The following DNAH14 variants were observed in gnomAD, a reference collection of about 807,000 sequenced individuals.
DNAH14 encodes axonemal beta dynein heavy chain 14.
In DNAH14, 478 loss-of-function variants were observed where a neutral mutation model predicts 520.9. The ratio of observed to expected loss-of-function variants is 0.92; its 90% CI spans 0.85 to 0.99. DNAH14 has a LOEUF of 0.99. Among genes scored for constraint, DNAH14 ranks in the 50% least tolerant of loss-of-function variants. The pLI is 0.00. For synonymous variants in DNAH14, 1,581 were observed against 1,757.2 expected (o/e 0.90, Z 2.51); for missense variants, 4,831 against 5,234.5 (o/e 0.92, Z 2.38).
intron 43 of DNAH14, among the ~76,000 whole-genome samples, chr1:225,251,106 A>C (rs1170969060): frequency 1.3e-5 from 2 of 152,204 alleles, no homozygotes; most frequent in Non-Finnish European, 2.9e-5. Context: ...GTTTAAAAAA[A>C]GGAATTTGAC....
At chr1:225,215,356 TG>T (rs1253258069) in intron 41 of DNAH14, among the ~76,000 whole-genome samples, 7 of 152,168 alleles carry the variant, frequency 4.6e-5, no homozygotes, top group Non-Finnish European at 1.0e-4. Flanking sequence ...ATAAATGCGA[TG>T]TGGTGCTGAG....
intron 7 of DNAH14, among the ~76,000 whole-genome samples, chr1:224,971,892 AG>A: frequency 6.6e-6 from 1 of 152,310 alleles, no homozygotes; most frequent in East Asian, 1.9e-4. Flanking sequence ...GATAGGTGAT[AG>A]TTGCATCCCT....
In DNAH14 at chr1:224,978,468, A is replaced by G. The variant is rs953474754; in HGVS notation, c.830+4315A>G. 2.6e-5 allele frequency among the ~76,000 whole-genome samples: 4 copies of G among 152,184 alleles called. No individual in the cohort carries two copies. In the East Asian group the frequency reaches 7.7e-4, roughly 29 times the overall value. On this transcript the variant is annotated intron_variant, in intron 8 of 85. Coordinates refer to ENST00000682510, the MANE Select transcript of DNAH14 (RefSeq NM_001367479.1). Reference sequence around the variant, plus strand: ...GAGCTAAAATATTTGAACTCATAGAAGTGGAGAGTAAAACTGTGGTTATTA... The same window carrying G: ...GAGCTAAAATATTTGAACTCATAGAGGTGGAGAGTAAAACTGTGGTTATTA...
At chr1:225,060,571 T>A (rs982117471) in intron 17 of DNAH14, among the ~76,000 whole-genome samples, 1 of 152,092 alleles carries the variant, frequency 6.6e-6, no homozygotes, top group African/African-American at 2.4e-5. Flanking sequence ...CTGTGTTCCT[T>A]TGGAGGAGGC....
intron 60 of DNAH14, among the ~76,000 whole-genome samples, chr1:225,309,558 A>C (rs1161958593): frequency 6.6e-6 from 1 of 152,150 alleles, no homozygotes; most frequent in Non-Finnish European, 1.5e-5. Context: ...GAACTTCTGC[A>C]ATGCCAACCA....
rs147905470 is a variant in DNAH14, at chr1:224,995,473, A to C, written c.831-7310A>C. On this transcript the variant is annotated intron_variant, in intron 8 of 85. Coordinates refer to ENST00000682510, the MANE Select transcript of DNAH14 (RefSeq NM_001367479.1). ...CTGTTTCTTATCTCTTGCTGCTCTC[A>C]GAAATTTTTCTTTGTCTTTGATTTT... 1.1e-4 allele frequency among the ~76,000 whole-genome samples: 16 copies of C among 152,000 alleles called. No individual in the cohort carries two copies. The East Asian group carries it at 2.9e-3, about 28-fold the overall frequency.
At chr1:225,025,739 A>G (rs911817607) in intron 11 of DNAH14, among the ~76,000 whole-genome samples, 14 of 152,064 alleles carry the variant, frequency 9.2e-5, no homozygotes, top group African/African-American at 2.9e-4. Context: ...TTAGACTTCA[A>G]TTTTCTCATC....
intron 17 of DNAH14, among the ~76,000 whole-genome samples, chr1:225,075,280 C>T (rs553763785): frequency 6.6e-6 from 1 of 152,216 alleles, no homozygotes; most frequent in East Asian, 1.9e-4. Context: ...CATTGTCCTT[C>T]CTTGCTTTTC....
Position 225,271,995 on chromosome 1 carries a change from A to T in DNAH14, c.7761A>T (p.Ile2587=). The T allele has an allele frequency of 1.9e-6, 3 of 1,550,832 alleles. No individual in the cohort carries two copies. The East Asian group carries it at 7.4e-5, about 38-fold the overall frequency. The change falls in exon 51 of 86, where the codon ATA becomes ATT. Residue 2587 remains isoleucine, a synonymous_variant. Transcript: ENST00000682510. The part of the protein sequence containing the change: ...KDQIISCSLA[I]YHQVRQNMLP... ...AGATAATATCTTGTTCCCTAGCTAT[A>T]TACCATCAAGTACGTCAGAATATGT...
chr1:225,333,438 TGCATTGAAAATG>T lies in DNAH14; in HGVS notation c.10018_10029del (p.Glu3340_Ile3343del). On this transcript the variant is annotated inframe_deletion, in exon 66 of 86. Coordinates refer to ENST00000682510, the MANE Select transcript of DNAH14 (RefSeq NM_001367479.1). ...GATTGTGAATAAATGGGAGACATTC[TGCATTGAAAATG>T]GCATTTCTTTGTCTTCCAAATTCTC... 1 of 1,551,474 alleles carries T rather than the reference TGCATTGAAAATG, an allele frequency of 6.4e-7. No homozygotes were observed. Among genetic ancestry groups the T allele is most frequent in the Non-Finnish European group, 8.7e-7 (1 of 1,146,850 alleles).
chr1:224,983,878 A>G (rs905147758), intron 8 of DNAH14, among the ~76,000 whole-genome samples: 13 of 152,126 alleles, frequency 8.5e-5, no homozygotes, highest in African/African-American at 2.9e-4. Flanking sequence ...AAACACTGCT[A>G]AAAGAAATCA....
rs911685876 is a variant in DNAH14 at position 225,244,281 on chromosome 1, G to A, written c.6748+3459G>A. Among the ~76,000 whole-genome samples the A allele has an allele frequency of 2.6e-5, 4 of 152,122 alleles. No individual in the cohort carries two copies. The East Asian group carries it at 5.8e-4, about 22-fold the overall frequency. On this transcript the variant is annotated intron_variant, in intron 43 of 85. Transcript: ENST00000682510. ...AGTATTTTATTGAGGATTTTTCATC[G>A]ATGTTCATCAGGGATATTGGCCTGA...
At chr1:225,050,441 T>C in intron 16 of DNAH14, 65 bp downstream of exon 16, 1 of 1,437,104 alleles carries the variant, frequency 7.0e-7, no homozygotes, top group Non-Finnish European at 9.2e-7. Flanking sequence ...AATTCTTAAA[T>C]GAAATGAATT....
chr1:225,394,159 G>A (rs2095968353), intron 84 of DNAH14, among the ~76,000 whole-genome samples: 1 of 152,142 alleles, frequency 6.6e-6, no homozygotes, highest in African/African-American at 2.4e-5. Context: ...GCATTTCCTT[G>A]ATGATTAATT....
intron 26 of DNAH14, 28 bp downstream of exon 26, chr1:225,119,322 TA>T (rs2077114073): frequency 7.1e-7 from 1 of 1,402,154 alleles, no homozygotes; most frequent in Admixed American, 2.4e-5. Flanking sequence ...ATCCTAAAAT[TA>T]TATATTTTAT....
In DNAH14 at chr1:225,264,167, A is replaced by T; in HGVS notation, c.7158-30A>T. 2.0e-6 allele frequency: 3 copies of T among 1,529,066 alleles called. No individual in the cohort carries two copies. In the South Asian group the frequency reaches 3.6e-5, roughly 19 times the overall value. The allele number at this position is 1,529,066 out of a possible 1,614,324, so 94.7% of individuals were successfully genotyped here. A position where few individuals can be genotyped will look rare whatever the true frequency, so the allele number is the denominator to read the frequency against. ...TATACCTATTATGGTAAACAAACTAATTTTGAATCCTTAAAATATTTCATT... is the reference window on the plus strand; with the variant it reads ...TATACCTATTATGGTAAACAAACTATTTTTGAATCCTTAAAATATTTCATT... On this transcript the variant is annotated intron_variant, in intron 46 of 85. Transcript: ENST00000682510.
chr1:225,004,566 T>C (rs1413466601), intron 9 of DNAH14, among the ~76,000 whole-genome samples: 1 of 152,078 alleles, frequency 6.6e-6, no homozygotes, highest in Non-Finnish European at 1.5e-5. Flanking sequence ...AATAACACAG[T>C]AGGGGAAAAG....
intron 36 of DNAH14, among the ~76,000 whole-genome samples, chr1:225,171,185 C>A (rs1278340221): frequency 1.3e-5 from 2 of 152,116 alleles, no homozygotes; most frequent in Admixed American, 1.3e-4. Flanking sequence ...CTAAAATTGA[C>A]ACCCTAACAT....
At chr1:225,154,099 T>G (rs1273067367) in intron 34 of DNAH14, among the ~76,000 whole-genome samples, 1 of 152,014 alleles carries the variant, frequency 6.6e-6, no homozygotes, top group Non-Finnish European at 1.5e-5. Context: ...TTTAGAAGAA[T>G]AATAACTCAA....
Sources: allele counts gnomAD v4.1 joint callset (sites outside exome capture counted in the v4.1 genomes callset), GRCh38; gene constraint gnomAD v4.1.1; transcripts MANE v1.5; gene names NCBI Gene and HGNC (gene_info 2026-07-23, HGNC 2026-07-21).